The following ELMO1 variants were observed in gnomAD, a reference collection of about 807,000 sequenced individuals.
ELMO1 encodes engulfment and cell motility protein 1.
In ELMO1, 26 loss-of-function variants were observed where a neutral mutation model predicts 98.9. That is an observed-to-expected ratio of 0.26 (90% CI 0.19 to 0.36). The LOEUF is 0.36. Ranked by LOEUF, ELMO1 falls within the 10% of genes least tolerant of loss-of-function variation. The pLI is 1.00. For missense variants in ELMO1, 627 were observed against 935.2 expected (o/e 0.67, Z 4.30); for synonymous variants, 346 against 346.0 (o/e 1.00, Z 0.00).
At position 36,932,699 on chromosome 7, in the gene ELMO1, ATTC is replaced by A. The variant is rs565618291; in HGVS notation, c.1438-37685_1438-37683del. Among the ~76,000 whole-genome samples, 32 of 152,332 alleles carry A rather than the reference ATTC, an allele frequency of 2.1e-4. No individual in the cohort carries two copies. In the South Asian group the frequency reaches 5.2e-3, roughly 25 times the overall value. ...CAGAGCAAAGATGAGATCTGATTTC[ATTC>A]TTCTCTCTGTGCCTCTAATATCCAT... On this transcript the variant is annotated intron_variant, in intron 16 of 21. Coordinates refer to ENST00000310758, the MANE Select transcript of ELMO1 (RefSeq NM_014800.11).
At chr7:37,130,849 C>A (rs1786875450) in intron 14 of ELMO1, among the ~76,000 whole-genome samples, 1 of 151,716 alleles carries the variant, frequency 6.6e-6, no homozygotes, top group Non-Finnish European at 1.5e-5. Context: ...TATTCAGGTA[C>A]AGAATAAGCA....
chr7:37,444,100 G>A (rs1039204960), intron 1 of ELMO1, among the ~76,000 whole-genome samples: 9 of 152,124 alleles, frequency 5.9e-5, no homozygotes, highest in East Asian at 1.9e-4. Context: ...ATGTGGTCTC[G>A]CTATGTTGCC....
At position 37,013,299 on chromosome 7, in the gene ELMO1, C is replaced by G; in HGVS notation, c.1437G>C (p.Lys479Asn). 3 of 1,614,036 alleles carry G rather than the reference C, an allele frequency of 1.9e-6. No homozygotes were observed. The highest frequency in any genetic ancestry group is 2.5e-6 in the Non-Finnish European group (3 of 1,179,958). ...EMRATSEDFN[K>N]VMQVVKEQVM... is the part of the protein sequence containing the mutation. ...TGCCTCTATCCGAGATCCACATTAC[C>G]TTGTTGAAGTCTTCAGAAGTTGCCC... The change falls in exon 16 of 22, where the codon AAG (lysine) becomes AAC (asparagine). Residue 479 changes from lysine to asparagine, a missense_variant and splice_region_variant. Coordinates refer to ENST00000310758, the MANE Select transcript of ELMO1 (RefSeq NM_014800.11).
chr7:37,085,581 G>T lies in ELMO1; in HGVS notation c.1300+11038C>A, dbSNP rs1302517286. Among the ~76,000 whole-genome samples the T allele has an allele frequency of 3.9e-5, 6 of 152,080 alleles. No individual in the cohort carries two copies. In the South Asian group the frequency reaches 1.2e-3, roughly 32 times the overall value. ...TACTTTTACAACTTATGAGGACTTTGAAGGGTATGGCCTGGTACATCACGA... is the reference window on the plus strand; with the variant it reads ...TACTTTTACAACTTATGAGGACTTTTAAGGGTATGGCCTGGTACATCACGA... On this transcript the variant is annotated intron_variant, in intron 15 of 21. Coordinates refer to ENST00000310758, the MANE Select transcript of ELMO1 (RefSeq NM_014800.11).
At chr7:37,155,503 A>ATAAATAAATAAAT (rs1554427526) in intron 13 of ELMO1, among the ~76,000 whole-genome samples, 1 of 131,738 alleles carries the variant, frequency 7.6e-6, no homozygotes, top group Admixed American at 8.0e-5. Context: ...AAAAAAAAAA[A>ATAAATAAATAAAT]AAAAAGCAGG....
At chr7:37,130,900 A>C (rs2129297492) in intron 14 of ELMO1, among the ~76,000 whole-genome samples, 1 of 152,342 alleles carries the variant, frequency 6.6e-6, no homozygotes, top group Admixed American at 6.5e-5. Flanking sequence ...GAAAAACTGC[A>C]TTCATAGAGA....
intron 13 of ELMO1, among the ~76,000 whole-genome samples, chr7:37,192,050 A>G (rs1413588222): frequency 6.6e-6 from 1 of 152,270 alleles, no homozygotes; most frequent in Non-Finnish European, 1.5e-5. Context: ...TCACAGAAGA[A>G]GAAGAAAGAT....
chr7:37,090,292 C>A (rs968466450), intron 15 of ELMO1, among the ~76,000 whole-genome samples: 1 of 152,198 alleles, frequency 6.6e-6, no homozygotes, highest in Admixed American at 6.5e-5. Flanking sequence ...CATTATTAGG[C>A]CAGGACTGGG....
intron 13 of ELMO1, among the ~76,000 whole-genome samples, chr7:37,180,129 C>A (rs148020718): frequency 2.1e-3 from 318 of 152,248 alleles, no homozygotes; most frequent in African/African-American, 7.2e-3. Flanking sequence ...AGCCATAAAC[C>A]TCCCATTCTA....
At chr7:37,244,425 T>C in intron 6 of ELMO1, 34 bp from the exon 7 acceptor site, 2 of 1,606,696 alleles carry the variant, frequency 1.2e-6, no homozygotes, top group Non-Finnish European at 1.7e-6. Context: ...GTGAGGAGCA[T>C]ACTTAAAAGC....
At chr7:37,262,550 CTA>C (rs1480801763) in intron 5 of ELMO1, among the ~76,000 whole-genome samples, 1 of 152,218 alleles carries the variant, frequency 6.6e-6, no homozygotes, top group Non-Finnish European at 1.5e-5. Context: ...CTGTTCTTAA[CTA>C]TCCCCACAGG....
intron 6 of ELMO1, among the ~76,000 whole-genome samples, chr7:37,258,325 C>G (rs1765574762): frequency 6.6e-6 from 1 of 151,952 alleles, no homozygotes; most frequent in African/African-American, 2.4e-5. Context: ...CCTGAAATCC[C>G]AGCTACTCAG....
intron 17 of ELMO1, among the ~76,000 whole-genome samples, chr7:36,891,859 T>C (rs767994266): frequency 1.3e-5 from 2 of 152,218 alleles, no homozygotes; most frequent in Non-Finnish European, 2.9e-5. Context: ...CTGCTTTCAC[T>C]GATGTTTGTC....
chr7:37,386,984 T>A (rs1015604870), intron 1 of ELMO1, among the ~76,000 whole-genome samples: 1 of 152,240 alleles, frequency 6.6e-6, no homozygotes, highest in African/African-American at 2.4e-5. Flanking sequence ...TGTTTTGTTT[T>A]GTTCCTGCTC....
chr7:37,198,329 T>C (rs138115264), intron 13 of ELMO1, among the ~76,000 whole-genome samples: 10 of 152,368 alleles, frequency 6.6e-5, no homozygotes, highest in African/African-American at 2.2e-4. Context: ...TCTGGGTTAC[T>C]GTAAATGCAT....
intron 1 of ELMO1, among the ~76,000 whole-genome samples, chr7:37,363,430 C>T (rs28436641): frequency 0.08 from 12,145 of 152,088 alleles, 598 homozygotes; most frequent in South Asian, 0.17. Flanking sequence ...TAACATGGCC[C>T]GCAAAGGCCT....
rs554635613 is a variant in ELMO1, at chr7:37,337,318, T to C, written c.78+5295A>G. Among the ~76,000 whole-genome samples the C allele has an allele frequency of 2.1e-3, 321 of 151,986 alleles. 1 individual carries two copies. The highest frequency in any genetic ancestry group is 6.8e-3 in the African/African-American group (282 of 41,436). ...GCATGTTCTCACTCATAGGTGGGAA[T>C]TGAACAATGAGAACACATGGACACA... On this transcript the variant is annotated intron_variant, in intron 2 of 21. Transcript: ENST00000310758.
At chr7:37,394,146 G>A (rs189284069) in intron 1 of ELMO1, among the ~76,000 whole-genome samples, 32 of 152,218 alleles carry the variant, frequency 2.1e-4, no homozygotes, top group Admixed American at 1.8e-3. Context: ...ATATAATGTT[G>A]GACAATACCC....
At chr7:36,909,808 T>A (rs1301155834) in intron 16 of ELMO1, among the ~76,000 whole-genome samples, 1 of 152,226 alleles carries the variant, frequency 6.6e-6, no homozygotes, top group South Asian at 2.1e-4. Context: ...TCCAAACCTA[T>A]GACCATATTG....
Sources: gnomAD v4.1 joint callset for allele counts (sites outside exome capture counted in the v4.1 genomes callset) on GRCh38, gnomAD v4.1.1 for gene constraint, MANE v1.5 for transcripts, NCBI Gene and HGNC (gene_info 2026-07-23, HGNC 2026-07-21) for gene names.